The following SAXO4 variants were observed in gnomAD, a reference collection of about 807,000 sequenced individuals.
SAXO4 encodes protein phosphatase 1 regulatory subunit 32.
the SAXO4 span, chr11:61,487,329 A>G: frequency 8.8e-7 from 1 of 1,137,870 alleles, no homozygotes; most frequent in Non-Finnish European, 1.3e-6. Flanking sequence ...CCTCGTGGAG[A>G]AGATCAATGC....
chr11:61,482,430 T>C, the SAXO4 span: 1 of 1,612,042 alleles, frequency 6.2e-7, no homozygotes, highest in Non-Finnish European at 8.5e-7. Flanking sequence ...GGCCAGGGGG[T>C]ACGGTCTGTA....
the SAXO4 span, chr11:61,485,724 C>T: frequency 7.0e-6 from 8 of 1,147,640 alleles, no homozygotes; most frequent in African/African-American, 1.2e-4. Flanking sequence ...TCTGCACCTG[C>T]TGGGACACTG....
chr11:61,486,046 C>T, the SAXO4 span: 2 of 687,634 alleles, frequency 2.9e-6, no homozygotes, highest in East Asian at 2.7e-5. Flanking sequence ...AGGTGAAAAC[C>T]ACTGCTTTGG....
chr11:61,487,803 C>T, the SAXO4 span, among the ~76,000 whole-genome samples: 3 of 152,086 alleles, frequency 2.0e-5, no homozygotes, highest in Non-Finnish European at 4.4e-5. Context: ...TTGGTGGGCT[C>T]GATGCTCCCT....
the SAXO4 span, chr11:61,482,558 C>T: frequency 1.3e-6 from 2 of 1,592,348 alleles, no homozygotes; most frequent in African/African-American, 1.3e-5. Context: ...CACAGCGGAC[C>T]TCTGAGCCAT....
At chr11:61,485,953 A>C in the SAXO4 span, 1 of 1,364,282 alleles carries the variant, frequency 7.3e-7, no homozygotes, top group Admixed American at 1.8e-5. Flanking sequence ...GGGGGCTTGA[A>C]GCCCTCCAGT....
At chr11:61,490,369 A>G in the SAXO4 span, 1 of 804,300 alleles carries the variant, frequency 1.2e-6, no homozygotes, top group South Asian at 1.4e-5. Context: ...CAGGCAAAGA[A>G]TGTTTGTGGC....
chr11:61,487,252 T>C, the SAXO4 span: 4 of 1,610,058 alleles, frequency 2.5e-6, no homozygotes. Flanking sequence ...TGAGGTCCGC[T>C]TCCTGGTCCA....
the SAXO4 span, chr11:61,487,085 C>T: frequency 2.5e-6 from 4 of 1,611,968 alleles, no homozygotes; most frequent in African/African-American, 1.3e-5. Context: ...CACCTAGCCT[C>T]CACCCCCAAA....
At chr11:61,486,684 C>G in the SAXO4 span, 2 of 1,388,338 alleles carry the variant, frequency 1.4e-6, no homozygotes, top group Non-Finnish European at 2.0e-6. Flanking sequence ...GCATTTGGGT[C>G]AGGCATTGAA....
the SAXO4 span, among the ~76,000 whole-genome samples, chr11:61,481,409 T>G: frequency 6.6e-6 from 1 of 152,032 alleles, no homozygotes; most frequent in South Asian, 2.1e-4. Flanking sequence ...GTCGGCTCAT[T>G]CATTCCGAGA....
the SAXO4 span, chr11:61,490,034 C>G: frequency 7.6e-7 from 1 of 1,317,060 alleles, no homozygotes; most frequent in Non-Finnish European, 1.0e-6. Flanking sequence ...CTCTTGCTGT[C>G]AGTCCGGTTC....
chr11:61,487,403 C>T, the SAXO4 span, among the ~76,000 whole-genome samples: 1 of 152,120 alleles, frequency 6.6e-6, no homozygotes, highest in Non-Finnish European at 1.5e-5. Flanking sequence ...AGCATGTTAT[C>T]AGGCAGTTAT....
the SAXO4 span, among the ~76,000 whole-genome samples, chr11:61,485,086 GC>G: frequency 6.6e-6 from 1 of 152,108 alleles, no homozygotes; most frequent in Non-Finnish European, 1.5e-5. Context: ...GTCCCTCTGG[GC>G]CCCCCACTCA....
chr11:61,481,783 C>A, the SAXO4 span: 1 of 1,353,644 alleles, frequency 7.4e-7, no homozygotes, highest in Non-Finnish European at 9.9e-7. Flanking sequence ...CCTTTCTAGG[C>A]CCCCTGGGGC....
the SAXO4 span, among the ~76,000 whole-genome samples, chr11:61,484,251 T>C: frequency 6.6e-6 from 1 of 151,998 alleles, no homozygotes; most frequent in African/African-American, 2.4e-5. Context: ...TCAAAAAATG[T>C]AAGTAATAAA....
the SAXO4 span, chr11:61,489,531 G>A: frequency 3.0e-3 from 1,767 of 584,930 alleles, 22 homozygotes; most frequent in African/African-American, 0.03. Flanking sequence ...GTACTGGCAG[G>A]CCAGGGACAG....
chr11:61,481,864 G>A, the SAXO4 span: 106 of 1,560,010 alleles, frequency 6.8e-5, no homozygotes, highest in Non-Finnish European at 9.0e-5. Context: ...GATGAGTTCG[G>A]GGGGCTACAC....
the SAXO4 span, chr11:61,490,692 C>T: frequency 2.3e-5 from 23 of 1,002,886 alleles, no homozygotes; most frequent in Admixed American, 4.1e-4. Flanking sequence ...GCCTGGGGAC[C>T]CCCCTTCCAA....
Sources: gnomAD v4.1 joint callset for allele counts (sites outside exome capture counted in the v4.1 genomes callset) on GRCh38, gnomAD v4.1.1 for gene constraint, MANE v1.5 for transcripts, NCBI Gene and HGNC (gene_info 2026-07-23, HGNC 2026-07-21) for gene names.